The following ST6GALNAC3 variants were observed in gnomAD, a reference collection of about 807,000 sequenced individuals.
The protein encoded by ST6GALNAC3 is ST6 N-acetylgalactosaminide alpha-2,6-sialyltransferase 3.
ST6GALNAC3 carries 25 observed loss-of-function variants against 32.7 expected under a neutral mutation model. The ratio of observed to expected loss-of-function variants is 0.76; its 90% CI spans 0.56 to 1.07. The LOEUF (loss-of-function observed/expected upper bound fraction) is 1.07, where lower values mean the gene tolerates loss of function less well. Among genes scored for constraint, ST6GALNAC3 ranks in the 50% least tolerant of loss-of-function variants. ST6GALNAC3 has a pLI of 0.00. For missense variants in ST6GALNAC3, 355 were observed against 382.4 expected (o/e 0.93, Z 0.60); for synonymous variants, 129 against 133.1 (o/e 0.97, Z 0.21).
chr1:76,419,045 G>GCGCA (rs1553194441), intron 3 of ST6GALNAC3, among the ~76,000 whole-genome samples: 2 of 148,870 alleles, frequency 1.3e-5, no homozygotes, highest in Non-Finnish European at 3.0e-5. Flanking sequence ...ACCCTCATGT[G>GCGCA]CACACACACA....
At chr1:76,522,922 C>T (rs1421669967) in intron 3 of ST6GALNAC3, among the ~76,000 whole-genome samples, 1 of 152,162 alleles carries the variant, frequency 6.6e-6, no homozygotes, top group Non-Finnish European at 1.5e-5. Context: ...TTCTCGGAAT[C>T]GTTAGCCAAA....
chr1:76,118,407 T>G (rs2100828477), intron 1 of ST6GALNAC3, among the ~76,000 whole-genome samples: 1 of 152,366 alleles, frequency 6.6e-6, no homozygotes, highest in Non-Finnish European at 1.5e-5. Context: ...AGTAAATGTC[T>G]TCCCTGATTT....
chr1:76,429,215 G>A (rs1220987497), intron 3 of ST6GALNAC3, among the ~76,000 whole-genome samples: 1 of 152,066 alleles, frequency 6.6e-6, no homozygotes, highest in African/African-American at 2.4e-5. Flanking sequence ...TGATGATAAT[G>A]AATCAAGTAG....
intron 3 of ST6GALNAC3, among the ~76,000 whole-genome samples, chr1:76,526,079 A>G (rs893034767): frequency 6.6e-6 from 1 of 151,636 alleles, no homozygotes; most frequent in African/African-American, 2.4e-5. Flanking sequence ...TGAATTCACT[A>G]CCATTAGATT....
intron 1 of ST6GALNAC3, among the ~76,000 whole-genome samples, chr1:76,211,068 C>T (rs1328051814): frequency 1.3e-5 from 2 of 152,148 alleles, no homozygotes; most frequent in African/African-American, 2.4e-5. Flanking sequence ...GGATTAGGGC[C>T]CCATGCTTAT....
At chr1:76,326,380 A>G (rs925191636) in intron 2 of ST6GALNAC3, among the ~76,000 whole-genome samples, 2 of 152,192 alleles carry the variant, frequency 1.3e-5, no homozygotes, top group Non-Finnish European at 2.9e-5. Context: ...TACATGGGCA[A>G]GTCCAACATC....
chr1:76,322,223 T>G (rs186678078), intron 2 of ST6GALNAC3, among the ~76,000 whole-genome samples: 11 of 152,300 alleles, frequency 7.2e-5, no homozygotes, highest in African/African-American at 2.2e-4. Flanking sequence ...AGAGAGTTTT[T>G]CTATAGCTCT....
rs556531226 is a variant in ST6GALNAC3 at position 76,156,897 on chromosome 1, A to C, written c.18+82013A>C. 2.0e-5 allele frequency among the ~76,000 whole-genome samples: 3 copies of C among 152,232 alleles called. No individual in the cohort carries two copies. The South Asian group carries it at 6.2e-4, about 32-fold the overall frequency. Reference sequence around the variant, plus strand: ...CAGGCGCCCGCCACCACGCCCGGCTAATTTTTTGTCTTTTTAGTACAGACG... The same window carrying C: ...CAGGCGCCCGCCACCACGCCCGGCTCATTTTTTGTCTTTTTAGTACAGACG... On this transcript the variant is annotated intron_variant, in intron 1 of 4. Coordinates refer to ENST00000328299, the MANE Select transcript of ST6GALNAC3 (RefSeq NM_152996.4).
chr1:76,213,590 A>G (rs1055092208), intron 1 of ST6GALNAC3, among the ~76,000 whole-genome samples: 6 of 152,200 alleles, frequency 3.9e-5, no homozygotes, highest in African/African-American at 1.4e-4. Context: ...ATTAAAAACA[A>G]ATTCCCTTGC....
At chr1:76,139,941 G>A (rs1264701055) in intron 1 of ST6GALNAC3, among the ~76,000 whole-genome samples, 2 of 152,166 alleles carry the variant, frequency 1.3e-5, no homozygotes, top group African/African-American at 2.4e-5. Context: ...CACCTGTCTC[G>A]AGGAGGAATA....
chr1:76,192,585 G>T (rs1653962140), intron 1 of ST6GALNAC3, among the ~76,000 whole-genome samples: 1 of 152,142 alleles, frequency 6.6e-6, no homozygotes, highest in South Asian at 2.1e-4. Flanking sequence ...CATTCCGTTG[G>T]GGCCTTGTTT....
chr1:76,321,547 G>A (rs920394642), intron 2 of ST6GALNAC3, among the ~76,000 whole-genome samples: 8 of 152,194 alleles, frequency 5.3e-5, no homozygotes, highest in African/African-American at 9.7e-5. Context: ...ACCACCAAAT[G>A]TTCAGTAACT....
chr1:76,156,792 C>T (rs1343442708), intron 1 of ST6GALNAC3, among the ~76,000 whole-genome samples: 3 of 152,238 alleles, frequency 2.0e-5, no homozygotes, highest in African/African-American at 4.8e-5. Flanking sequence ...AGTACAGTGG[C>T]GCGATCTTGG....
At position 76,525,814 on chromosome 1, in the gene ST6GALNAC3, T is replaced by TATATACATATATATACATATATAC. The variant is rs1557529093; in HGVS notation, c.624-101633_624-101632insCATATATATACATATATACATATA. On this transcript the variant is annotated intron_variant, in intron 3 of 4. Coordinates refer to ENST00000328299, the MANE Select transcript of ST6GALNAC3 (RefSeq NM_152996.4). ...GTGTATATATATATATATATATATA[T>TATATACATATATATACATATATAC]ATATATATATATATGACCGTTTTGC... is the stretch of plus-strand genomic sequence containing the variant. 7.0e-4 allele frequency among the ~76,000 whole-genome samples: 89 copies of TATATACATATATATACATATATAC among 127,220 alleles called. 1 individual carries two copies. Among genetic ancestry groups the TATATACATATATATACATATATAC allele is most frequent in the African/African-American group, 2.3e-3 (87 of 38,092 alleles). 83.5% of individuals were successfully genotyped at this position (127,220 alleles called of 152,430 possible). A position where few individuals can be genotyped will look rare whatever the true frequency, so the allele number is the denominator to read the frequency against.
chr1:76,587,643 G>A (rs1470592671), intron 3 of ST6GALNAC3, among the ~76,000 whole-genome samples: 2 of 152,166 alleles, frequency 1.3e-5, no homozygotes, highest in African/African-American at 4.8e-5. Flanking sequence ...ACCTGATGTT[G>A]GTGTGAGGAT....
intron 2 of ST6GALNAC3, among the ~76,000 whole-genome samples, chr1:76,356,599 A>G (rs1250552769): frequency 6.6e-6 from 1 of 152,166 alleles, no homozygotes; most frequent in African/African-American, 2.4e-5. Flanking sequence ...CCTAGGGTGG[A>G]CAGGGAAGGG....
intron 3 of ST6GALNAC3, among the ~76,000 whole-genome samples, chr1:76,505,487 T>G (rs1186635985): frequency 1.3e-5 from 2 of 152,228 alleles, no homozygotes; most frequent in Non-Finnish European, 2.9e-5. Flanking sequence ...AAACTACAGC[T>G]TGTCCTACAT....
At chr1:76,158,815 AT>A (rs1651633211) in intron 1 of ST6GALNAC3, among the ~76,000 whole-genome samples, 2 of 152,174 alleles carry the variant, frequency 1.3e-5, no homozygotes, top group Non-Finnish European at 2.9e-5. Context: ...GTGCTTTGTA[AT>A]GTGAACCATA....
intron 1 of ST6GALNAC3, among the ~76,000 whole-genome samples, chr1:76,117,629 C>G (rs1203063414): frequency 6.6e-6 from 1 of 152,146 alleles, no homozygotes; most frequent in East Asian, 1.9e-4. Context: ...CCTGCTAATT[C>G]AAATAAACAG....
Sources: gnomAD v4.1 joint callset for allele counts (sites outside exome capture counted in the v4.1 genomes callset) on GRCh38, gnomAD v4.1.1 for gene constraint, MANE v1.5 for transcripts, NCBI Gene and HGNC (gene_info 2026-07-23, HGNC 2026-07-21) for gene names.